Variants in RIMS2 observed in about 807,000 individuals in gnomAD.
RIMS2 encodes the protein regulating synaptic membrane exocytosis protein 2.
In RIMS2, 59 loss-of-function variants were observed where a neutral mutation model predicts 174.4. The ratio of observed to expected loss-of-function variants is 0.34; its 90% CI spans 0.27 to 0.42. The LOEUF (loss-of-function observed/expected upper bound fraction) is 0.42. RIMS2 is among the 10% of genes least tolerant of loss of function. The pLI is 1.00. For missense variants in RIMS2, 1,620 were observed against 1,666.3 expected (o/e 0.97, Z 0.48); for synonymous variants, 606 against 572.5 (o/e 1.06, Z -0.84).
At chr8:103,812,506 C>T (rs562248234) in intron 3 of RIMS2, among the ~76,000 whole-genome samples, 2 of 152,032 alleles carry the variant, frequency 1.3e-5, no homozygotes, top group South Asian at 2.1e-4. Context: ...CTCAGCTTCC[C>T]GAGTAGCTGG....
intron 1 of RIMS2, among the ~76,000 whole-genome samples, chr8:103,585,225 A>G (rs1364403798): frequency 6.6e-6 from 1 of 152,212 alleles, no homozygotes; most frequent in African/African-American, 2.4e-5. Flanking sequence ...CGATTATTAA[A>G]AAGTCAGGAA....
chr8:104,012,884 TAC>T (rs1372041131), intron 17 of RIMS2, among the ~76,000 whole-genome samples: 1 of 152,174 alleles, frequency 6.6e-6, no homozygotes, highest in Non-Finnish European at 1.5e-5. Flanking sequence ...ACCAGTTTTC[TAC>T]AGAGTGATTT....
chr8:103,998,140 C>A lies in RIMS2; in HGVS notation c.3044+8719C>A, dbSNP rs758887605. The stretch of plus-strand genomic sequence containing the variant: ...ATTAAACTATACTTTTTTTTCACTT[C>A]TTTCTTGAGTCTTATTTATATTCTT... On this transcript the variant is annotated intron_variant, in intron 17 of 23. Transcript: ENST00000504942. The A allele has an allele frequency of 1.9e-5, 26 of 1,383,578 alleles. No homozygotes were observed. In the South Asian group the frequency reaches 2.3e-4, roughly 12 times the overall value. The allele number at this position is 1,383,578 out of a possible 1,614,324, so 85.7% of individuals were successfully genotyped here.
chr8:103,846,178 A>C (rs1170002250), intron 3 of RIMS2, among the ~76,000 whole-genome samples: 1 of 152,132 alleles, frequency 6.6e-6, no homozygotes, highest in Non-Finnish European at 1.5e-5. Context: ...TTAATCTTGA[A>C]GTCTATTTTC....
At chr8:103,711,483 G>A (rs1590884545) in intron 2 of RIMS2, among the ~76,000 whole-genome samples, 1 of 152,130 alleles carries the variant, frequency 6.6e-6, no homozygotes, top group Admixed American at 6.5e-5. Flanking sequence ...GACTCTTTTT[G>A]ATAGAAAGCC....
In RIMS2 at chr8:104,026,057, C is replaced by T. The variant is rs560279246; in HGVS notation, c.3334+11442C>T. Reference sequence around the variant, plus strand: ...TGCATTTCTCAGAACATATCCCTGTCGTTGAGCAATGTATGACTGTATATA... The same window carrying T: ...TGCATTTCTCAGAACATATCCCTGTTGTTGAGCAATGTATGACTGTATATA... On this transcript the variant is annotated intron_variant, in intron 19 of 23. Coordinates refer to ENST00000504942, the Ensembl canonical transcript of RIMS2. 7.9e-5 allele frequency among the ~76,000 whole-genome samples: 12 copies of T among 152,126 alleles called. 1 individual carries two copies. In the South Asian group the frequency reaches 1.2e-3, roughly 16 times the overall value.
At chr8:104,006,832 G>C (rs992925743) in intron 17 of RIMS2, among the ~76,000 whole-genome samples, 1 of 151,736 alleles carries the variant, frequency 6.6e-6, no homozygotes, top group African/African-American at 2.4e-5. Context: ...GTTTTTGTAT[G>C]TGCCTTTTTT....
intron 2 of RIMS2, among the ~76,000 whole-genome samples, chr8:103,743,787 T>C (rs904657728): frequency 2.0e-5 from 3 of 152,186 alleles, no homozygotes; most frequent in African/African-American, 7.2e-5. Flanking sequence ...AAATGTCCTT[T>C]TATTCCTATT....
At chr8:103,759,390 C>A (rs899304014) in intron 2 of RIMS2, among the ~76,000 whole-genome samples, 19 of 151,832 alleles carry the variant, frequency 1.3e-4, no homozygotes, top group Non-Finnish European at 2.5e-4. Flanking sequence ...ACGGTGAAAC[C>A]CTTTCTCTAC....
intron 1 of RIMS2, among the ~76,000 whole-genome samples, chr8:103,664,078 T>C (rs1167273644): frequency 3.3e-5 from 5 of 152,190 alleles, no homozygotes; most frequent in Admixed American, 1.3e-4. Context: ...GCTAGCCATA[T>C]GTAGAAAGCT....
intron 19 of RIMS2, among the ~76,000 whole-genome samples, chr8:104,179,369 A>G (rs1248351602): frequency 1.3e-5 from 2 of 152,014 alleles, no homozygotes; most frequent in Non-Finnish European, 2.9e-5. Flanking sequence ...AATTCTTCAT[A>G]CTTATGCTTA....
chr8:103,549,754 C>T lies in RIMS2; in HGVS notation c.176+48692C>T, dbSNP rs1846808867. Among the ~76,000 whole-genome samples the T allele has an allele frequency of 2.0e-5, 3 of 151,762 alleles. No individual in the cohort carries two copies. The South Asian group carries it at 6.2e-4, about 32-fold the overall frequency. ...TCACATGCATAGACACACAGAGGCT[C>T]AAAATAAAGGGATGGAGGAAGATCT... On this transcript the variant is annotated intron_variant, in intron 1 of 23. Coordinates refer to ENST00000504942, the Ensembl canonical transcript of RIMS2.
At chr8:103,734,354 G>T in intron 2 of RIMS2, among the ~76,000 whole-genome samples, 1 of 147,898 alleles carries the variant, frequency 6.8e-6, no homozygotes, top group East Asian at 2.0e-4. Flanking sequence ...TTTTAGTGCA[G>T]GTTTACTAGG....
chr8:103,889,229 T>C (rs2099226745), intron 4 of RIMS2, among the ~76,000 whole-genome samples: 1 of 151,772 alleles, frequency 6.6e-6, no homozygotes, highest in Non-Finnish European at 1.5e-5. Flanking sequence ...ATTTTGTTAG[T>C]GAATTTTAAA....
chr8:103,813,593 C>G (rs1259871102), intron 3 of RIMS2, among the ~76,000 whole-genome samples: 1 of 152,094 alleles, frequency 6.6e-6, no homozygotes. Context: ...GATGTTCCCC[C>G]ACCCTGTGTC....
exon 1 of RIMS2, chr8:103,500,936 C>A: frequency 6.2e-7 from 1 of 1,608,306 alleles, no homozygotes; most frequent in South Asian, 1.1e-5. Flanking sequence ...ATCCCGGCGG[C>A]CTCTCAGCCG....
At chr8:103,953,980 A>G (rs956872683) in intron 14 of RIMS2, among the ~76,000 whole-genome samples, 1 of 152,142 alleles carries the variant, frequency 6.6e-6, no homozygotes, top group Non-Finnish European at 1.5e-5. Context: ...CAGACTTTAA[A>G]CCAACAAAGA....
intron 3 of RIMS2, among the ~76,000 whole-genome samples, chr8:103,815,118 A>T (rs905717983): frequency 6.6e-6 from 1 of 152,176 alleles, no homozygotes; most frequent in Non-Finnish European, 1.5e-5. Flanking sequence ...TTACCCAGAG[A>T]TAATCAATAT....
chr8:103,580,476 G>T (rs1300521423), intron 1 of RIMS2, among the ~76,000 whole-genome samples: 2 of 151,496 alleles, frequency 1.3e-5, no homozygotes, highest in Non-Finnish European at 2.9e-5. Context: ...TGTGTAAAAT[G>T]ATAAAGGGGA....
Sources: allele counts gnomAD v4.1 joint callset (sites outside exome capture counted in the v4.1 genomes callset), GRCh38; gene constraint gnomAD v4.1.1; transcripts MANE v1.5; gene names NCBI Gene and HGNC (gene_info 2026-07-23, HGNC 2026-07-21).